Variants in NEURL1B observed in about 807,000 individuals in gnomAD.
NEURL1B encodes the protein neuralized E3 ubiquitin protein ligase 1B.
NEURL1B carries 13 observed loss-of-function variants against 37.4 expected under a neutral mutation model. The observed-to-expected ratio is 0.35, with a 90% confidence interval of 0.23 to 0.55. NEURL1B has a LOEUF of 0.55. Ranked by LOEUF, NEURL1B falls within the 20% of genes least tolerant of loss-of-function variation. The pLI, the probability that NEURL1B is intolerant of heterozygous loss-of-function variation, is 0.89. For missense variants in NEURL1B, 790 were observed against 879.2 expected (o/e 0.90, Z 1.28); for synonymous variants, 432 against 426.6 (o/e 1.01, Z -0.16).
rs558602772 is a variant in NEURL1B at position 172,650,001 on chromosome 5, G to T, written c.31+8564G>T. 7.2e-5 allele frequency among the ~76,000 whole-genome samples: 11 copies of T among 152,334 alleles called. No homozygotes were observed. The South Asian group carries it at 1.4e-3, about 20-fold the overall frequency. On this transcript the variant is annotated intron_variant, in intron 1 of 4. Coordinates refer to ENST00000369800, the MANE Select transcript of NEURL1B (RefSeq NM_001142651.3). Reference sequence around the variant, plus strand: ...AAGTTCTTTAATGACTAAGCCATTTGGGGAAATGGGTGGGGTCGAGGTGTC... The same window carrying T: ...AAGTTCTTTAATGACTAAGCCATTTTGGGAAATGGGTGGGGTCGAGGTGTC...
At chr5:172,669,478 C>T (rs1758076546) in intron 1 of NEURL1B, among the ~76,000 whole-genome samples, 1 of 151,976 alleles carries the variant, frequency 6.6e-6, no homozygotes, top group African/African-American at 2.4e-5. Context: ...GTTATTTGGC[C>T]CCTGGCTGGC....
chr5:172,672,984 T>C (rs928958739), intron 2 of NEURL1B, among the ~76,000 whole-genome samples: 1 of 148,868 alleles, frequency 6.7e-6, no homozygotes, highest in African/African-American at 2.6e-5. Flanking sequence ...TTATATGAGA[T>C]AATAGAGGGG....
intron 2 of NEURL1B, among the ~76,000 whole-genome samples, chr5:172,679,083 T>C (rs1483527841): frequency 6.6e-6 from 1 of 152,228 alleles, no homozygotes; most frequent in Admixed American, 6.5e-5. Flanking sequence ...ATTAGGCCCG[T>C]GGAGACTGAA....
chr5:172,653,113 T>C (rs1363147650), intron 1 of NEURL1B, among the ~76,000 whole-genome samples: 1 of 152,032 alleles, frequency 6.6e-6, no homozygotes, highest in Non-Finnish European at 1.5e-5. Context: ...ATTCTAGGAG[T>C]GGTACATGTG....
At chr5:172,642,929 A>G in intron 1 of NEURL1B, among the ~76,000 whole-genome samples, 1 of 152,202 alleles carries the variant, frequency 6.6e-6, no homozygotes, top group Non-Finnish European at 1.5e-5. Flanking sequence ...CCACATAGAC[A>G]CTGGGATGAG....
At chr5:172,655,696 A>G (rs941025320) in intron 1 of NEURL1B, among the ~76,000 whole-genome samples, 14 of 149,992 alleles carry the variant, frequency 9.3e-5, no homozygotes, top group African/African-American at 3.4e-4. Flanking sequence ...GTATGTGAGG[A>G]TCCTTTAAGC....
In NEURL1B at chr5:172,669,841, G is replaced by T; in HGVS notation, c.88G>T (p.Glu30Ter). The change falls in exon 2 of 5, where the codon GAG (glutamate) becomes TAG (stop). Residue 30 changes from glutamate (E) to a stop codon, truncating the protein, a stop_gained. Coordinates refer to ENST00000369800, the MANE Select transcript of NEURL1B (RefSeq NM_001142651.3). LOFTEE classifies it high-confidence loss of function. ...ATRPCCGPGP[E>*]RRPVLGEAPR... ...CCGGCCGTGCTGCGGCCCCGGCCCC[G>T]AGCGACGCCCGGTCCTGGGCGAGGC... 1 of 1,354,016 alleles carries T rather than the reference G, an allele frequency of 7.4e-7. No individual in the cohort carries two copies. The highest frequency in any genetic ancestry group is 9.5e-7 in the Non-Finnish European group (1 of 1,049,178). The allele number at this position is 1,354,016 out of a possible 1,614,324, so 83.9% of individuals were successfully genotyped here.
In NEURL1B at chr5:172,686,210, G is replaced by C; in HGVS notation, c.1337G>C (p.Gly446Ala). The C allele has an allele frequency of 6.4e-7, 1 of 1,551,678 alleles. No homozygotes were observed. The highest frequency in any genetic ancestry group is 1.2e-5 in the South Asian group (1 of 84,060). The change falls in exon 4 of 5, where the codon GGG becomes GCG. Residue 446 changes from glycine (G) to alanine (A), a missense_variant. Physicochemically the swap from Gly to Ala is moderately conservative, Grantham distance 60. Around this residue, in one of 3 missense-constraint regions of NEURL1B, gnomAD observed 115 missense variants for 162.6 expected, o/e 0.71. Coordinates refer to ENST00000369800, the MANE Select transcript of NEURL1B (RefSeq NM_001142651.3). The surrounding 1 kb of genome is among the most constrained non-coding windows in gnomAD (Gnocchi z 7.9). ...QSSPATTTPS[G>A]SLSGSQDDSD... is the part of the protein sequence containing the mutation. ...AGCCCTGCGACCACGACTCCATCAG[G>C]GTCCCTCAGCGGCTCCCAGGACGAT... is the stretch of plus-strand genomic sequence containing the variant.
chr5:172,679,574 G>T (rs556944462), intron 2 of NEURL1B, among the ~76,000 whole-genome samples: 69 of 152,294 alleles, frequency 4.5e-4, no homozygotes, highest in African/African-American at 1.6e-3. Context: ...TGCTGTCTTG[G>T]GCCTGTCTCA....
chr5:172,686,878 A>G lies in NEURL1B; in HGVS notation c.1621A>G (p.Ile541Val). 4 of 1,550,354 alleles carry G rather than the reference A, an allele frequency of 2.6e-6. No individual in the cohort carries two copies. The highest frequency in any genetic ancestry group is 3.5e-6 in the Non-Finnish European group (4 of 1,146,580). The change falls in exon 5 of 5, where the codon ATC becomes GTC. Residue 541 changes from isoleucine (I) to valine (V), a missense_variant. Around this residue, in one of 3 missense-constraint regions of NEURL1B, gnomAD observed 115 missense variants for 162.6 expected, o/e 0.71. Coordinates refer to ENST00000369800, the MANE Select transcript of NEURL1B (RefSeq NM_001142651.3). This position sits in a 1 kb window ranked among gnomAD's most constrained non-coding sequence, Gnocchi z 7.9. ...GCGACAGGCCCGGGCCTGCTGCCCCATCTGCCGGCGGCCCATCAAGGACGT... is the reference window on the plus strand; with the variant it reads ...GCGACAGGCCCGGGCCTGCTGCCCCGTCTGCCGGCGGCCCATCAAGGACGT... The part of the protein sequence containing the change: ...LKRQARACCP[I>V]CRRPIKDVIK...
At chr5:172,666,417 A>G (rs1561646709) in intron 1 of NEURL1B, among the ~76,000 whole-genome samples, 1 of 152,206 alleles carries the variant, frequency 6.6e-6, no homozygotes, top group Non-Finnish European at 1.5e-5. Flanking sequence ...AACCTAGAGT[A>G]AGTGTCTGAA....
rs376967837 is a variant in NEURL1B, at chr5:172,669,708, G to A, written c.32-77G>A. ...TTAAAATGGAATTTCAAATGAAAAT[G>A]ATTGTTAAGTAAAGACCAATCGGGG... On this transcript the variant is annotated intron_variant, in intron 1 of 4. Coordinates refer to ENST00000369800, the MANE Select transcript of NEURL1B (RefSeq NM_001142651.3). The A allele has an allele frequency of 4.8e-6, 5 of 1,031,474 alleles. No individual in the cohort carries two copies. The Admixed American group carries it at 2.3e-4, about 47-fold the overall frequency. 63.9% of individuals were successfully genotyped at this position (1,031,474 alleles called of 1,614,324 possible). A position where few individuals can be genotyped will look rare whatever the true frequency, so the allele number is the denominator to read the frequency against.
chr5:172,665,983 A>C lies in NEURL1B; in HGVS notation c.32-3802A>C, dbSNP rs369064297. ...GAATAACTGGATGAAGAAATGAATG[A>C]GCAGTGGAATGAACGTTTTGTCTGC... On this transcript the variant is annotated intron_variant, in intron 1 of 4. Transcript: ENST00000369800. This position sits in a 1 kb window ranked among gnomAD's most constrained non-coding sequence, Gnocchi z 4.1. Among the ~76,000 whole-genome samples, 10 of 152,170 alleles carry C rather than the reference A, an allele frequency of 6.6e-5. No homozygotes were observed. In the East Asian group the frequency reaches 7.7e-4, roughly 12 times the overall value.
chr5:172,651,640 G>C (rs1012381221), intron 1 of NEURL1B, among the ~76,000 whole-genome samples: 2 of 152,226 alleles, frequency 1.3e-5, no homozygotes, highest in African/African-American at 4.8e-5. Flanking sequence ...CATCTGGCTA[G>C]TAGCCCCATT....
In NEURL1B at chr5:172,644,260, A is replaced by G. The variant is rs776389834; in HGVS notation, c.31+2823A>G. On this transcript the variant is annotated intron_variant, in intron 1 of 4. Coordinates refer to ENST00000369800, the MANE Select transcript of NEURL1B (RefSeq NM_001142651.3). ...GCAATGTAGGCATTATCATCTCCATATTACAGTTGAGAAGCCGAGGCTCAG... is the reference window on the plus strand; with the variant it reads ...GCAATGTAGGCATTATCATCTCCATGTTACAGTTGAGAAGCCGAGGCTCAG... Among the ~76,000 whole-genome samples the G allele has an allele frequency of 4.3e-4, 66 of 152,170 alleles. 1 individual carries two copies. The highest frequency in any genetic ancestry group is 7.1e-4 in the Non-Finnish European group (48 of 68,034).
intron 1 of NEURL1B, among the ~76,000 whole-genome samples, chr5:172,654,511 T>C (rs1757726894): frequency 6.6e-6 from 1 of 152,054 alleles, no homozygotes; most frequent in South Asian, 2.1e-4. Flanking sequence ...GAATTATCAG[T>C]GGTTAATGTT....
Position 172,651,927 on chromosome 5 carries a change from G to C in NEURL1B, c.31+10490G>C, listed in dbSNP as rs191442632. Among the ~76,000 whole-genome samples, 381 of 152,330 alleles carry C rather than the reference G, an allele frequency of 2.5e-3. 2 individuals carry two copies. The highest frequency in any genetic ancestry group is 8.8e-3 in the African/African-American group (365 of 41,572). ...CCTCCCACTGGTTGATGAAATGCCA[G>C]GGTGAAAGGGATAGCCAACTGGACT... On this transcript the variant is annotated intron_variant, in intron 1 of 4. Transcript: ENST00000369800.
In NEURL1B at chr5:172,687,223, A is replaced by C. The variant is rs1413845690; in HGVS notation, c.*298A>C. 1 of 274,280 alleles carries C rather than the reference A, an allele frequency of 3.6e-6. No homozygotes were observed. Among genetic ancestry groups the C allele is most frequent in the Non-Finnish European group, 7.1e-6 (1 of 141,234 alleles). 17.0% of individuals were successfully genotyped at this position (274,280 alleles called of 1,614,324 possible). On this transcript the variant is annotated 3_prime_UTR_variant, in exon 5 of 5. Transcript: ENST00000369800. ...GGGAAACAGCGTCCTCTGTCTGTGC[A>C]ATGCTTCTTGCTGGGGTTGGGTTGA...
intron 1 of NEURL1B, among the ~76,000 whole-genome samples, chr5:172,663,923 G>A (rs11749385): frequency 0.21 from 31,914 of 150,588 alleles, 3,594 homozygotes; most frequent in African/African-American, 0.28. Flanking sequence ...CTCTGCACCC[G>A]CAGACTTGGC....
Sources: gnomAD v4.1 joint callset for allele counts (sites outside exome capture counted in the v4.1 genomes callset) on GRCh38, gnomAD v4.1.1 for gene constraint, gnomAD v4.1.1 regional missense constraint, Gnocchi (gnomAD v3.1) non-coding constraint, MANE v1.5 for transcripts, NCBI Gene and HGNC (gene_info 2026-07-23, HGNC 2026-07-21) for gene names.